The following CNTN5 variants were observed in gnomAD, a reference collection of about 807,000 sequenced individuals.
CNTN5 encodes the protein contactin-5.
Under a neutral mutation model 129.1 loss-of-function variants are expected in CNTN5, and 77 were observed. The ratio of observed to expected loss-of-function variants is 0.60; its 90% confidence interval spans 0.50 to 0.72. The LOEUF is 0.72. Among genes scored for constraint, CNTN5 ranks in the 30% least tolerant of loss-of-function variants. The probability of loss-of-function intolerance (pLI) is 0.00; values close to 1 mark genes in which losing one functional copy is unlikely to be tolerated. For missense variants in CNTN5, 1,478 were observed against 1,328.8 expected (o/e 1.11, Z -1.75); for synonymous variants, 509 against 465.6 (o/e 1.09, Z -1.20).
rs182923896 is a variant in CNTN5 at position 99,391,822 on chromosome 11, T to G, written c.-71+66338T>G. On this transcript the variant is annotated intron_variant, in intron 2 of 24. Transcript: ENST00000524871. Reference sequence around the variant, plus strand: ...AAATTTTTGTTTCCCTGGGATACCCTTGTCATATTAGGTATAAGGGCACAA... The same window carrying G: ...AAATTTTTGTTTCCCTGGGATACCCGTGTCATATTAGGTATAAGGGCACAA... Among the ~76,000 whole-genome samples the G allele has an allele frequency of 4.0e-3, 614 of 152,124 alleles. 2 individuals carry two copies. The highest frequency in any genetic ancestry group is 0.014 in the African/African-American group (589 of 41,564).
At chr11:100,348,753 G>A (rs189247403) in intron 23 of CNTN5, among the ~76,000 whole-genome samples, 17 of 152,122 alleles carry the variant, frequency 1.1e-4, no homozygotes, top group African/African-American at 3.6e-4. Context: ...AAAAGAAGCT[G>A]CTTAAGGCAT....
At chr11:99,533,836 T>C (rs1429380703) in intron 2 of CNTN5, among the ~76,000 whole-genome samples, 2 of 152,188 alleles carry the variant, frequency 1.3e-5, no homozygotes, top group African/African-American at 4.8e-5. Context: ...GAGACTGAGA[T>C]AGCCGGGGCT....
intron 6 of CNTN5, among the ~76,000 whole-genome samples, chr11:99,912,885 C>T (rs1406337732): frequency 6.6e-6 from 1 of 151,922 alleles, no homozygotes; most frequent in Non-Finnish European, 1.5e-5. Context: ...ATATTTATTT[C>T]AGTGTGTAAT....
intron 2 of CNTN5, among the ~76,000 whole-genome samples, chr11:99,357,731 T>C (rs1391679385): frequency 6.6e-6 from 1 of 152,048 alleles, no homozygotes; most frequent in East Asian, 2.0e-4. Flanking sequence ...CTGCTATTCT[T>C]ACCTGAGAGT....
At chr11:99,916,003 T>C in intron 6 of CNTN5, 51 bp from the exon 7 acceptor site, 5 of 1,366,526 alleles carry the variant, frequency 3.7e-6, no homozygotes, top group Non-Finnish European at 5.2e-6. Flanking sequence ...ATCATAGCAA[T>C]TCTTTACATT....
In CNTN5 at chr11:99,895,727, C is replaced by T. The variant is rs186416472; in HGVS notation, c.578-20327C>T. On this transcript the variant is annotated intron_variant, in intron 6 of 24. Coordinates refer to ENST00000524871, the MANE Select transcript of CNTN5 (RefSeq NM_014361.4). ...ACTTTTGTAGTTCAGCTCTTGACTCCCTCGGGCTTCCAGAACAGCAGAGAG... is the reference window on the plus strand; with the variant it reads ...ACTTTTGTAGTTCAGCTCTTGACTCTCTCGGGCTTCCAGAACAGCAGAGAG... 8.7e-4 allele frequency among the ~76,000 whole-genome samples: 133 copies of T among 152,206 alleles called. 2 individuals carry two copies. The highest frequency in any genetic ancestry group is 3.0e-3 in the African/African-American group (124 of 41,534).
chr11:100,131,072 A>G (rs1946361698), intron 13 of CNTN5, among the ~76,000 whole-genome samples: 4 of 152,212 alleles, frequency 2.6e-5, no homozygotes, highest in South Asian at 4.1e-4. Flanking sequence ...AGTAACTTTT[A>G]TTATATCCTC....
At chr11:99,620,508 C>CT (rs71050006) in intron 3 of CNTN5, among the ~76,000 whole-genome samples, 166 of 106,936 alleles carry the variant, frequency 1.6e-3, no homozygotes, top group South Asian at 8.9e-3. Context: ...TTTTTCTTTT[C>CT]TTTTTTTTTT....
intron 9 of CNTN5, among the ~76,000 whole-genome samples, chr11:100,034,984 A>G (rs1941905277): frequency 6.6e-6 from 1 of 151,942 alleles, no homozygotes; most frequent in South Asian, 2.1e-4. Context: ...AAATTTTATT[A>G]TTATACTTTA....
At chr11:99,293,942 T>C (rs1470041279) in intron 1 of CNTN5, among the ~76,000 whole-genome samples, 1 of 152,046 alleles carries the variant, frequency 6.6e-6, no homozygotes, top group African/African-American at 2.4e-5. Flanking sequence ...ATTTCTTTCC[T>C]TCTACTAATT....
chr11:99,804,814 T>C lies in CNTN5; in HGVS notation c.56-14730T>C, dbSNP rs1459525770. ...AAAATGATTTATGAATTTTACTTTT[T>C]AAATAACTATTTTATATGTATATAC... On this transcript the variant is annotated intron_variant, in intron 3 of 24. Coordinates refer to ENST00000524871, the MANE Select transcript of CNTN5 (RefSeq NM_014361.4). Among the ~76,000 whole-genome samples the C allele has an allele frequency of 4.0e-5, 6 of 150,202 alleles. No individual in the cohort carries two copies. The Admixed American group carries it at 4.0e-4, about 10-fold the overall frequency.
intron 2 of CNTN5, among the ~76,000 whole-genome samples, chr11:99,380,748 A>G (rs1238403205): frequency 6.8e-6 from 1 of 148,124 alleles, no homozygotes; most frequent in East Asian, 2.0e-4. Context: ...AGCCTGGGCA[A>G]CAAGACTGAA....
intron 18 of CNTN5, among the ~76,000 whole-genome samples, chr11:100,278,927 T>C (rs1486498583): frequency 1.3e-5 from 2 of 152,008 alleles, no homozygotes; most frequent in African/African-American, 4.8e-5. Flanking sequence ...TTTAATATAA[T>C]ACTAGCTGTG....
chr11:100,297,345 CATT>C (rs1443161798), intron 18 of CNTN5, among the ~76,000 whole-genome samples: 1 of 151,222 alleles, frequency 6.6e-6, no homozygotes. Context: ...TTTACCTAAT[CATT>C]ATTAGATGTT....
intron 18 of CNTN5, among the ~76,000 whole-genome samples, chr11:100,293,506 T>C (rs1032960736): frequency 2.6e-5 from 4 of 151,800 alleles, no homozygotes; most frequent in African/African-American, 9.7e-5. Context: ...GCACTTCTCA[T>C]AGAAGACTTC....
chr11:100,084,399 GA>G (rs1343147984), intron 13 of CNTN5, among the ~76,000 whole-genome samples: 1 of 152,008 alleles, frequency 6.6e-6, no homozygotes, highest in East Asian at 1.9e-4. Context: ...AGGCTGCTTA[GA>G]AAAAAAGCAT....
At chr11:99,031,849 C>G (rs888228265) in intron 1 of CNTN5, among the ~76,000 whole-genome samples, 91 of 151,278 alleles carry the variant, frequency 6.0e-4, no homozygotes, top group African/African-American at 2.1e-3. Context: ...ATGTGCCATG[C>G]TGGTGCGCTG....
chr11:100,123,146 T>C (rs923798152), intron 13 of CNTN5, among the ~76,000 whole-genome samples: 1 of 151,930 alleles, frequency 6.6e-6, no homozygotes, highest in Non-Finnish European at 1.5e-5. Flanking sequence ...TTCAGGAGAA[T>C]GTACTCATCT....
At chr11:100,101,760 T>A (rs986899585) in intron 13 of CNTN5, among the ~76,000 whole-genome samples, 6 of 152,070 alleles carry the variant, frequency 3.9e-5, no homozygotes, top group African/African-American at 1.4e-4. Context: ...GTCTCCGAAG[T>A]CCATTCTACA....
Sources: allele counts gnomAD v4.1 joint callset (sites outside exome capture counted in the v4.1 genomes callset), GRCh38; gene constraint gnomAD v4.1.1; transcripts MANE v1.5; gene names NCBI Gene and HGNC (gene_info 2026-07-23, HGNC 2026-07-21).